Variants in GPC6 observed in about 807,000 individuals in gnomAD.
GPC6 encodes glypican-6.
Under a neutral mutation model 55.2 loss-of-function variants are expected in GPC6, and 14 were observed. That is an observed-to-expected ratio of 0.25 (90% CI 0.17 to 0.40). The LOEUF (loss-of-function observed/expected upper bound fraction) is 0.40, where lower values mean the gene tolerates loss of function less well. Among genes scored for constraint, GPC6 ranks in the 10% least tolerant of loss-of-function variants. The pLI is 1.00. For missense variants in GPC6, 641 were observed against 708.5 expected (o/e 0.90, Z 1.08); for synonymous variants, 278 against 259.6 (o/e 1.07, Z -0.68).
chr13:93,978,930 T>C (rs1257445632), intron 3 of GPC6, among the ~76,000 whole-genome samples: 3 of 152,200 alleles, frequency 2.0e-5, no homozygotes, highest in Admixed American at 6.5e-5. Context: ...CTATGAATAA[T>C]GGTGTTTAAT....
chr13:94,197,285 T>C (rs1346593857), intron 4 of GPC6, among the ~76,000 whole-genome samples: 1 of 152,156 alleles, frequency 6.6e-6, no homozygotes, highest in Non-Finnish European at 1.5e-5. Context: ...CTGCATACTT[T>C]AACATAACCT....
At chr13:93,479,087 C>A (rs1462362886) in intron 1 of GPC6, among the ~76,000 whole-genome samples, 1 of 152,144 alleles carries the variant, frequency 6.6e-6, no homozygotes, top group Non-Finnish European at 1.5e-5. Context: ...ATAGGCCTTG[C>A]AACCAGAATA....
chr13:94,355,027 C>CT (rs5805858), intron 6 of GPC6, among the ~76,000 whole-genome samples: 3,221 of 145,748 alleles, frequency 0.022, 46 homozygotes, highest in Middle Eastern at 0.078. Context: ...AGTGGCTCTT[C>CT]TTTTTTTTTT....
intron 1 of GPC6, among the ~76,000 whole-genome samples, chr13:93,356,299 T>G (rs902869321): frequency 4.6e-5 from 7 of 152,180 alleles, no homozygotes; most frequent in African/African-American, 1.7e-4. Flanking sequence ...CACACTTATT[T>G]TGTCTCCAGT....
intron 1 of GPC6, among the ~76,000 whole-genome samples, chr13:93,496,705 T>C (rs930862541): frequency 3.4e-4 from 52 of 152,316 alleles, no homozygotes; most frequent in African/African-American, 1.2e-3. Context: ...CTCTGTGACC[T>C]TGGGCAACTT....
At chr13:93,360,991 C>T (rs1881023353) in intron 1 of GPC6, among the ~76,000 whole-genome samples, 1 of 152,140 alleles carries the variant, frequency 6.6e-6, no homozygotes, top group African/African-American at 2.4e-5. Context: ...CCTCTGGAAT[C>T]TTACTCGCTT....
intron 2 of GPC6, among the ~76,000 whole-genome samples, chr13:93,625,081 A>G (rs2139562866): frequency 6.6e-6 from 1 of 152,336 alleles, no homozygotes. Context: ...AAGATGAAGT[A>G]AAACACATTG....
intron 3 of GPC6, among the ~76,000 whole-genome samples, chr13:93,954,623 T>C (rs541951111): frequency 6.6e-6 from 1 of 152,234 alleles, no homozygotes; most frequent in Admixed American, 6.5e-5. Flanking sequence ...TGATGTTGAG[T>C]TTAATTCATA....
intron 2 of GPC6, among the ~76,000 whole-genome samples, chr13:93,583,944 A>G (rs1877067827): frequency 6.6e-6 from 1 of 152,154 alleles, no homozygotes; most frequent in Non-Finnish European, 1.5e-5. Flanking sequence ...CCTCCTACTC[A>G]TTTCACATGT....
At chr13:93,983,156 A>G (rs1198887220) in intron 3 of GPC6, among the ~76,000 whole-genome samples, 2 of 152,236 alleles carry the variant, frequency 1.3e-5, no homozygotes, top group Non-Finnish European at 2.9e-5. Flanking sequence ...AGAGAAGAGA[A>G]AGACTTTCAC....
intron 4 of GPC6, among the ~76,000 whole-genome samples, chr13:94,271,991 C>A (rs1040203867): frequency 3.3e-5 from 5 of 152,072 alleles, no homozygotes; most frequent in African/African-American, 1.2e-4. Flanking sequence ...GGTCTGCTGA[C>A]CCATGATTAC....
intron 6 of GPC6, among the ~76,000 whole-genome samples, chr13:94,366,299 T>C (rs1879284423): frequency 6.6e-6 from 1 of 152,230 alleles, no homozygotes; most frequent in African/African-American, 2.4e-5. Flanking sequence ...TGGAGTGGTC[T>C]CTGGCAGTTT....
chr13:93,365,941 T>A (rs1403184247), intron 1 of GPC6, among the ~76,000 whole-genome samples: 1 of 152,136 alleles, frequency 6.6e-6, no homozygotes, highest in East Asian at 1.9e-4. Flanking sequence ...AAAATATTGT[T>A]CATGTTCTAT....
intron 6 of GPC6, among the ~76,000 whole-genome samples, chr13:94,359,336 A>C (rs1469002759): frequency 6.6e-6 from 1 of 152,238 alleles, no homozygotes; most frequent in Non-Finnish European, 1.5e-5. Context: ...CATGAAGCAT[A>C]TTGGAATTTG....
chr13:94,179,205 A>G (rs529403828), intron 4 of GPC6, among the ~76,000 whole-genome samples: 16 of 152,310 alleles, frequency 1.1e-4, no homozygotes, highest in Middle Eastern at 6.8e-3. Context: ...GTAGGTTTTA[A>G]AGCCAACCAA....
chr13:93,276,494 G>A (rs1877752591), intron 1 of GPC6, among the ~76,000 whole-genome samples: 2 of 92,252 alleles, frequency 2.2e-5, no homozygotes, highest in Admixed American at 2.2e-4. Context: ...GAGAGAGAGA[G>A]AGTGTGTGTG....
intron 1 of GPC6, among the ~76,000 whole-genome samples, chr13:93,367,161 G>A (rs1446618428): frequency 1.3e-5 from 2 of 152,080 alleles, no homozygotes; most frequent in African/African-American, 4.8e-5. Context: ...TGCACATTCA[G>A]AATACCTACT....
At chr13:94,065,576 C>A (rs917436449) in intron 4 of GPC6, among the ~76,000 whole-genome samples, 1 of 152,164 alleles carries the variant, frequency 6.6e-6, no homozygotes, top group Non-Finnish European at 1.5e-5. Context: ...TTTTCTAACA[C>A]CGCTCTATAA....
chr13:93,985,715 T>TAAAAAAAAAAAAAAAAAAAAAAAAAA, intron 3 of GPC6, among the ~76,000 whole-genome samples: 1 of 126,236 alleles, frequency 7.9e-6, no homozygotes. Flanking sequence ...AAAAAAAAAT[T>TAAAAAAAAAAAAAAAAAAAAAAAAAA]AAAAAACGGA....
Sources: allele counts gnomAD v4.1 joint callset (sites outside exome capture counted in the v4.1 genomes callset), GRCh38; gene constraint gnomAD v4.1.1; transcripts MANE v1.5; gene names NCBI Gene and HGNC (gene_info 2026-07-23, HGNC 2026-07-21).